RAB12: variants seen among roughly 807,000 people sequenced by gnomAD.
RAB12 encodes RAB12, member RAS oncogene family, also known as ras-related protein Rab-12.
In RAB12, 11 loss-of-function variants were observed where a neutral mutation model predicts 28.4. The ratio of observed to expected loss-of-function variants is 0.39; its 90% confidence interval spans 0.24 to 0.64. RAB12 has a LOEUF of 0.64. Ranked by LOEUF, RAB12 falls within the 30% of genes least tolerant of loss-of-function variation. RAB12 has a pLI of 0.50. For missense variants in RAB12, 276 were observed against 351.1 expected, an observed-to-expected ratio of 0.79 and a Z score of 1.71; for synonymous variants, 138 against 145.3, an observed-to-expected ratio of 0.95 and a Z score of 0.36.
rs372618073 is a variant in RAB12, at chr18:8,624,987, A to G, written c.564A>G (p.Arg188=). 4.5e-4 allele frequency: 718 copies of G among 1,600,862 alleles called. No individual in the cohort carries two copies. Among genetic ancestry groups the G allele is most frequent in the Non-Finnish European group, 5.5e-4 (638 of 1,168,268 alleles). Residue 188 remains arginine (R), a synonymous_variant, in exon 2 of 6, where the codon AGA becomes AGG. Transcript: ENST00000649141. ...TAGAGCTAAGAGGAAAGAAAATTAGATTACAGATCTGGTAAGTGGGAGAGT... is the reference window on the plus strand; with the variant it reads ...TAGAGCTAAGAGGAAAGAAAATTAGGTTACAGATCTGGTAAGTGGGAGAGT... The part of the protein sequence containing the change: ...KTVELRGKKI[R]LQIWDTAGQE...
chr18:8,638,127 T>A (rs1457015797), intron 5 of RAB12, 22 bp from the exon 6 acceptor site: 1 of 1,547,322 alleles, frequency 6.5e-7, no homozygotes, highest in South Asian at 1.1e-5. Context: ...AACGGATTTT[T>A]TTTTGTTTGT....
At chr18:8,633,400 G>A in intron 3 of RAB12, 73 bp downstream of exon 3, 2 of 1,526,592 alleles carry the variant, frequency 1.3e-6, no homozygotes, top group Non-Finnish European at 1.8e-6. Context: ...AAGAAGGAGG[G>A]GAAACACATG....
At chr18:8,613,090 T>C (rs1484628855) in intron 1 of RAB12, among the ~76,000 whole-genome samples, 1 of 152,266 alleles carries the variant, frequency 6.6e-6, no homozygotes, top group Non-Finnish European at 1.5e-5. Flanking sequence ...TTTTGTATTG[T>C]TAATCAAATC....
chr18:8,627,614 G>C (rs562484093), intron 2 of RAB12, among the ~76,000 whole-genome samples: 1 of 152,338 alleles, frequency 6.6e-6, no homozygotes, highest in South Asian at 2.1e-4. Flanking sequence ...CTAGGATGTA[G>C]TTTGATGAAT....
intron 1 of RAB12, among the ~76,000 whole-genome samples, chr18:8,619,428 A>G (rs764848014): frequency 9.2e-5 from 14 of 152,254 alleles, no homozygotes; most frequent in Non-Finnish European, 1.6e-4. Context: ...AGGGGAACAT[A>G]GAAATCTTAC....
chr18:8,630,128 A>G (rs866129154), intron 2 of RAB12, among the ~76,000 whole-genome samples: 25 of 152,336 alleles, frequency 1.6e-4, no homozygotes, highest in African/African-American at 2.2e-4. Context: ...GCCAGGGCTA[A>G]GGACACACCT....
At chr18:8,635,741 C>T in intron 4 of RAB12, 119 bp downstream of exon 4, 1 of 608,314 alleles carries the variant, frequency 1.6e-6, no homozygotes, top group South Asian at 2.7e-5. Context: ...AGTGATAACT[C>T]AGTCACATCC....
At position 8,618,687 on chromosome 18, in the gene RAB12, T is replaced by C. The variant is rs760474805; in HGVS notation, c.515-6251T>C. On this transcript the variant is annotated intron_variant, in intron 1 of 5. Transcript: ENST00000649141. ...ACCACCACACCTGGCTAATTTTTTG[T>C]GTTTTTGGTAGAGACGAGGTTTCAC... is the stretch of plus-strand genomic sequence containing the variant. Among the ~76,000 whole-genome samples the C allele has an allele frequency of 4.1e-4, 62 of 152,144 alleles. 1 individual carries two copies. Among genetic ancestry groups the C allele is most frequent in the Non-Finnish European group, 7.9e-4 (54 of 68,032 alleles).
At chr18:8,623,856 C>T (rs1009761956) in intron 1 of RAB12, among the ~76,000 whole-genome samples, 2 of 152,384 alleles carry the variant, frequency 1.3e-5, no homozygotes, top group Non-Finnish European at 2.9e-5. Flanking sequence ...GCCTCCCTGG[C>T]CACACCCTGC....
chr18:8,626,469 A>G (rs2096012721), intron 2 of RAB12, among the ~76,000 whole-genome samples: 1 of 152,376 alleles, frequency 6.6e-6, no homozygotes, highest in African/African-American at 2.4e-5. Flanking sequence ...TAATGCATTA[A>G]TACTTCCATC....
At position 8,638,408 on chromosome 18, in the gene RAB12, C is replaced by A; in HGVS notation, c.*146C>A. 1.6e-6 allele frequency: 1 copy of A among 610,120 alleles called. No homozygotes were observed. The allele number at this position is 610,120 out of a possible 1,614,324, so 37.8% of individuals were successfully genotyped here. ...ACTAACTTGTAAATATGCATATATG[C>A]AATCCTGGGTAAGTTTTGGTTATAA... On this transcript the variant is annotated 3_prime_UTR_variant, in exon 6 of 6. Coordinates refer to ENST00000649141, the MANE Select transcript of RAB12 (RefSeq NM_001025300.3).
At chr18:8,638,122 A>G (rs560999631) in intron 5 of RAB12, 27 bp from the exon 6 acceptor site, 8 of 1,503,572 alleles carry the variant, frequency 5.3e-6, no homozygotes, top group Non-Finnish European at 5.5e-6. Context: ...GTTAAAACGG[A>G]TTTTTTTTTG....
chr18:8,613,723 A>G (rs563008263), intron 1 of RAB12, among the ~76,000 whole-genome samples: 2 of 152,354 alleles, frequency 1.3e-5, no homozygotes, highest in African/African-American at 4.8e-5. Context: ...CATGCTGGAA[A>G]AAACACTAGA....
chr18:8,635,915 CG>C (rs1238447762), intron 4 of RAB12: 2 of 424,424 alleles, frequency 4.7e-6, no homozygotes, highest in Non-Finnish European at 8.3e-6. Context: ...TTTACTTTAA[CG>C]TACTTTAAAC....
chr18:8,627,879 G>A lies in RAB12; in HGVS notation c.575+2881G>A, dbSNP rs567554015. ...GGAATATTTCATACCCTATATTGGCGTGTGCCCTGAAAATTAGTAATTAAA... is the reference window on the plus strand; with the variant it reads ...GGAATATTTCATACCCTATATTGGCATGTGCCCTGAAAATTAGTAATTAAA... On this transcript the variant is annotated intron_variant, in intron 2 of 5. Transcript: ENST00000649141. 7.9e-5 allele frequency among the ~76,000 whole-genome samples: 12 copies of A among 152,190 alleles called. No homozygotes were observed. The South Asian group carries it at 2.1e-3, about 26-fold the overall frequency.
At chr18:8,638,031 T>C (rs7504520) in intron 5 of RAB12, 118 bp from the exon 6 acceptor site, 61,234 of 630,276 alleles carry the variant, frequency 0.097, 3,803 homozygotes, top group Non-Finnish European at 0.13. Flanking sequence ...GTGAAACTTG[T>C]ATTGAAAAGC....
chr18:8,619,083 T>A (rs771084321), intron 1 of RAB12, among the ~76,000 whole-genome samples: 1 of 152,188 alleles, frequency 6.6e-6, no homozygotes, highest in African/African-American at 2.4e-5. Context: ...AAACTTAAGG[T>A]CATTATTATA....
intron 1 of RAB12, among the ~76,000 whole-genome samples, chr18:8,620,237 G>A (rs575066968): frequency 7.7e-5 from 11 of 142,284 alleles, no homozygotes; most frequent in African/African-American, 1.3e-4. Context: ...TGTAGCCTGC[G>A]TGCTTTTAGA....
chr18:8,623,574 C>T (rs1053958384), intron 1 of RAB12, among the ~76,000 whole-genome samples: 1 of 152,334 alleles, frequency 6.6e-6, no homozygotes, highest in East Asian at 1.9e-4. Context: ...TTGCAGTTTC[C>T]TTGCAGCTGA....
Sources: allele counts gnomAD v4.1 joint callset (sites outside exome capture counted in the v4.1 genomes callset), GRCh38; gene constraint gnomAD v4.1.1; transcripts MANE v1.5; gene names NCBI Gene and HGNC (gene_info 2026-07-23, HGNC 2026-07-21).